Variants in ERG observed in about 807,000 individuals in gnomAD.
The protein encoded by ERG is transcriptional regulator ERG.
Under a neutral mutation model 55.3 loss-of-function variants are expected in ERG, and 9 were observed. That is an observed-to-expected ratio of 0.16 (90% confidence interval 0.10 to 0.28). The LOEUF is 0.28. Among genes scored for constraint, ERG ranks in the 10% least tolerant of loss-of-function variants. The probability of loss-of-function intolerance (pLI) is 1.00; values close to 1 mark genes in which losing one functional copy is unlikely to be tolerated. For synonymous variants in ERG, 223 were observed against 237.3 expected, an observed-to-expected ratio of 0.94 and a Z score of 0.55; for missense variants, 434 against 631.6, an observed-to-expected ratio of 0.69 and a Z score of 3.35.
intron 1 of ERG, among the ~76,000 whole-genome samples, chr21:38,658,371 T>C (rs1398349975): frequency 6.6e-6 from 1 of 152,186 alleles, no homozygotes; most frequent in Non-Finnish European, 1.5e-5. Flanking sequence ...TGGAGTTCTA[T>C]GAAATAACAG....
At chr21:38,423,302 A>C in intron 3 of ERG, 108 bp downstream of exon 3, 1 of 1,190,172 alleles carries the variant, frequency 8.4e-7, no homozygotes, top group South Asian at 1.5e-5. Context: ...CTCTGGACAA[A>C]GGAGATGTGA....
At chr21:38,420,998 C>T (rs528583740) in intron 3 of ERG, among the ~76,000 whole-genome samples, 16 of 152,168 alleles carry the variant, frequency 1.1e-4, no homozygotes, top group African/African-American at 3.1e-4. Flanking sequence ...TTGTTCATGC[C>T]CAGAGAGTGT....
rs139371096 is a variant in ERG, at chr21:38,450,679, G to A, written c.19-5058C>T. ...ACCAGGTTACCTTAAGCACTTTCAT[G>A]CAATATCCTCTTAAATTCTATTTTG... On this transcript the variant is annotated intron_variant, in intron 1 of 9. Coordinates refer to ENST00000288319, the MANE Select transcript of ERG (RefSeq NM_182918.4). 3.2e-3 allele frequency among the ~76,000 whole-genome samples: 484 copies of A among 152,216 alleles called. 3 individuals carry two copies. Among genetic ancestry groups the A allele is most frequent in the African/African-American group, 0.01 (417 of 41,524 alleles).
At chr21:38,508,762 T>A (rs553852227) in intron 2 of ERG, among the ~76,000 whole-genome samples, 1 of 152,332 alleles carries the variant, frequency 6.6e-6, no homozygotes, top group South Asian at 2.1e-4. Flanking sequence ...TAAAGTGACA[T>A]TGACTTTGCT....
Position 38,498,272 on chromosome 21 carries a change from C to A in ERG, c.18+91G>T. On this transcript the variant is annotated intron_variant, in intron 1 of 9. Transcript: ENST00000288319. This position sits in a 1 kb window ranked among gnomAD's most constrained non-coding sequence, Gnocchi z 4.6. ...CTATTGTGGCAGTGGGGGTGTTGCC[C>A]AACCCTAACTTATCTGCCTTGATAA... The A allele has an allele frequency of 4.3e-6, 5 of 1,160,622 alleles. No homozygotes were observed. The highest frequency in any genetic ancestry group is 3.6e-5 in the Admixed American group (2 of 55,276). 71.9% of individuals were successfully genotyped at this position (1,160,622 alleles called of 1,614,324 possible). A position where few individuals can be genotyped will look rare whatever the true frequency, so the allele number is the denominator to read the frequency against.
intron 3 of ERG, among the ~76,000 whole-genome samples, chr21:38,412,694 C>G (rs1989113520): frequency 6.6e-6 from 1 of 152,086 alleles, no homozygotes; most frequent in South Asian, 2.1e-4. Context: ...TATGTTCTTC[C>G]TTAATATTTA....
intron 1 of ERG, among the ~76,000 whole-genome samples, chr21:38,467,976 C>T (rs918261036): frequency 9.2e-5 from 14 of 152,208 alleles, no homozygotes; most frequent in African/African-American, 1.7e-4. Context: ...ATATGTAAGC[C>T]TTTGTCTTTC....
At chr21:38,540,749 G>A (rs1359085232) in intron 2 of ERG, among the ~76,000 whole-genome samples, 1 of 152,166 alleles carries the variant, frequency 6.6e-6, no homozygotes, top group East Asian at 1.9e-4. Flanking sequence ...CTCTTCTGCT[G>A]AATGTAAAAT....
chr21:38,434,863 C>T (rs564146919), intron 2 of ERG, among the ~76,000 whole-genome samples: 1 of 152,312 alleles, frequency 6.6e-6, no homozygotes, highest in African/African-American at 2.4e-5. Flanking sequence ...AAATGTGAGG[C>T]TTTTTGTTCT....
intron 1 of ERG, among the ~76,000 whole-genome samples, chr21:38,493,749 T>G (rs1397353107): frequency 2.6e-5 from 4 of 152,106 alleles, no homozygotes; most frequent in African/African-American, 9.7e-5. Context: ...CCTGCCCCTG[T>G]GTGTGGTACC....
intron 2 of ERG, among the ~76,000 whole-genome samples, chr21:38,541,979 C>A (rs111774952): frequency 6.6e-6 from 1 of 151,968 alleles, no homozygotes; most frequent in South Asian, 2.1e-4. Flanking sequence ...TAAAAATACT[C>A]TACACTGTTT....
At chr21:38,441,798 C>A (rs2058843485) in intron 2 of ERG, among the ~76,000 whole-genome samples, 1 of 152,222 alleles carries the variant, frequency 6.6e-6, no homozygotes, top group African/African-American at 2.4e-5. Context: ...AGTGTTCCTC[C>A]CCTGCCTATT....
chr21:38,575,689 A>C, exon 2 of ERG: 1 of 1,614,092 alleles, frequency 6.2e-7, no homozygotes, highest in South Asian at 1.1e-5. Flanking sequence ...GGTCCGGGAC[A>C]GTCTGAATCA....
chr21:38,585,463 TAGAA>T (rs2060056412), upstream of ERG, among the ~76,000 whole-genome samples: 1 of 145,458 alleles, frequency 6.9e-6, no homozygotes, highest in Admixed American at 7.0e-5. Context: ...GCTAAAAAGA[TAGAA>T]AGAAAAAAAT....
At chr21:38,606,493 C>T (rs1228071116) in intron 1 of ERG, among the ~76,000 whole-genome samples, 2 of 151,926 alleles carry the variant, frequency 1.3e-5, no homozygotes, top group Non-Finnish European at 2.9e-5. Flanking sequence ...TTGTAAAGTA[C>T]ATGAAGAAAA....
chr21:38,640,919 A>C (rs1174907077), intron 1 of ERG, among the ~76,000 whole-genome samples: 1 of 152,238 alleles, frequency 6.6e-6, no homozygotes, highest in Non-Finnish European at 1.5e-5. Context: ...TTATAAGCGC[A>C]GAAATACTAT....
chr21:38,441,997 G>A (rs371552700), intron 2 of ERG, among the ~76,000 whole-genome samples: 1 of 152,226 alleles, frequency 6.6e-6, no homozygotes, highest in South Asian at 2.1e-4. Context: ...ACACATCACC[G>A]ATGCTTTAGG....
chr21:38,443,851 C>G (rs2058864074), intron 2 of ERG, among the ~76,000 whole-genome samples: 1 of 152,166 alleles, frequency 6.6e-6, no homozygotes, highest in Admixed American at 6.5e-5. Flanking sequence ...TACCCAGGTC[C>G]TTCTGTAACT....
intron 1 of ERG, among the ~76,000 whole-genome samples, chr21:38,458,477 T>C (rs1406825584): frequency 6.6e-6 from 1 of 151,046 alleles, no homozygotes; most frequent in Non-Finnish European, 1.5e-5. Context: ...CAGGCTCCCA[T>C]GGGCCTTGAC....
Sources: allele counts gnomAD v4.1 joint callset (sites outside exome capture counted in the v4.1 genomes callset), GRCh38; gene constraint gnomAD v4.1.1; non-coding constraint Gnocchi (gnomAD v3.1); transcripts MANE v1.5; gene names NCBI Gene and HGNC (gene_info 2026-07-23, HGNC 2026-07-21).